The following CREB5 variants were observed in gnomAD, a reference collection of about 807,000 sequenced individuals.
CREB5 encodes the protein cAMP responsive element binding protein 5.
Under a neutral mutation model 57.1 loss-of-function variants are expected in CREB5, and 19 were observed. The observed-to-expected ratio is 0.33, with a 90% confidence interval of 0.23 to 0.49. CREB5 has a LOEUF of 0.49. Ranked by LOEUF, CREB5 falls within the 20% of genes least tolerant of loss-of-function variation. The pLI is 0.99. For missense variants in CREB5, 579 were observed against 671.6 expected, an observed-to-expected ratio of 0.86 and a Z score of 1.52; for synonymous variants, 238 against 238.3, an observed-to-expected ratio of 1.00 and a Z score of 0.01.
At chr7:28,576,276 A>T (rs183349192) in intron 5 of CREB5, among the ~76,000 whole-genome samples, 100 of 152,378 alleles carry the variant, frequency 6.6e-4, no homozygotes, top group Admixed American at 6.5e-3. Flanking sequence ...TTTATTCAGG[A>T]TCTACTACGT....
chr7:28,546,506 A>T (rs570713774), intron 4 of CREB5, among the ~76,000 whole-genome samples: 2 of 152,300 alleles, frequency 1.3e-5, no homozygotes, highest in East Asian at 3.9e-4. Flanking sequence ...CCATTTTACA[A>T]TCCCAACAAT....
intron 3 of CREB5, among the ~76,000 whole-genome samples, chr7:28,503,897 C>T (rs1218027975): frequency 6.6e-6 from 1 of 151,798 alleles, no homozygotes; most frequent in Non-Finnish European, 1.5e-5. Context: ...ACCCCCAGAG[C>T]AGAAGGACCA....
chr7:28,805,087 T>C (rs1808631584), intron 8 of CREB5, among the ~76,000 whole-genome samples: 1 of 152,016 alleles, frequency 6.6e-6, no homozygotes, highest in Admixed American at 6.6e-5. Context: ...GCTGTGTAAA[T>C]GGTGAAGAGA....
At chr7:28,407,985 G>C (rs904831926), upstream of CREB5, among the ~76,000 whole-genome samples, 1 of 152,236 alleles carries the variant, frequency 6.6e-6, no homozygotes, top group Admixed American at 6.5e-5. Context: ...GGGCTAAACT[G>C]TTTCTAAGCA....
chr7:28,446,716 C>T (rs146581188), intron 1 of CREB5, among the ~76,000 whole-genome samples: 5,394 of 152,130 alleles, frequency 0.035, 294 homozygotes, highest in African/African-American at 0.12. Context: ...GGCGTGAACC[C>T]GGGAGGTGGA....
intron 4 of CREB5, among the ~76,000 whole-genome samples, chr7:28,560,921 T>TGTGTGCGTGTGCGTGCGCGCGC (rs1795180804): frequency 2.5e-5 from 1 of 40,568 alleles, no homozygotes; most frequent in South Asian, 9.4e-4. Flanking sequence ...TGTGCGTGTG[T>TGTGTGCGTGTGCGTGCGCGCGC]GCGCGTGCGT....
At position 28,804,180 on chromosome 7, in the gene CREB5, C is replaced by G; in HGVS notation, c.703-19C>G. The G allele has an allele frequency of 6.2e-7, 1 of 1,603,662 alleles. No individual in the cohort carries two copies. Among genetic ancestry groups the G allele is most frequent in the Admixed American group, 1.7e-5 (1 of 59,826 alleles). On this transcript the variant is annotated intron_variant, in intron 7 of 10. Coordinates refer to ENST00000357727, the MANE Select transcript of CREB5 (RefSeq NM_182898.4). ...ACTGACTTCAGTTGTTCTCTCTCCT[C>G]CCTTTTGTTCTGTTTCAGAGGTTGA...
Position 28,660,366 on chromosome 7 carries a change from T to A in CREB5, c.465-58387T>A, listed in dbSNP as rs1219754260. 4.0e-5 allele frequency among the ~76,000 whole-genome samples: 6 copies of A among 149,234 alleles called. No individual in the cohort carries two copies. In the East Asian group the frequency reaches 1.2e-3, roughly 30 times the overall value. The stretch of plus-strand genomic sequence containing the variant: ...CTTTCTATACCCAGCCAAACTATCA[T>A]CTATGCATTCAACAGTTTTTTTTTT... On this transcript the variant is annotated intron_variant, in intron 5 of 10. Transcript: ENST00000357727.
At chr7:28,695,204 G>A (rs1449979238) in intron 5 of CREB5, among the ~76,000 whole-genome samples, 3 of 152,158 alleles carry the variant, frequency 2.0e-5, no homozygotes, top group Non-Finnish European at 4.4e-5. Flanking sequence ...TACAGCCTGG[G>A]CCACAGAGCT....
intron 7 of CREB5, among the ~76,000 whole-genome samples, chr7:28,784,341 CT>C (rs35272471): frequency 6.6e-5 from 9 of 136,138 alleles, no homozygotes; most frequent in African/African-American, 1.1e-4. Flanking sequence ...ATAAACAACT[CT>C]TTTTTTTTTA....
intron 6 of CREB5, among the ~76,000 whole-genome samples, chr7:28,719,632 G>T (rs374963513): frequency 1.3e-5 from 2 of 152,142 alleles, no homozygotes; most frequent in Non-Finnish European, 2.9e-5. Context: ...TTCCAGATGA[G>T]GAGACTGAGG....
chr7:28,366,677 T>C (rs989697349), intron 1 of CREB5, among the ~76,000 whole-genome samples: 2 of 152,236 alleles, frequency 1.3e-5, no homozygotes, highest in Non-Finnish European at 2.9e-5. Flanking sequence ...TCAACTCAGT[T>C]AAGTTCTCCT....
At position 28,821,448 on chromosome 7, in the gene CREB5, A is replaced by C. The variant is rs935862633; in HGVS notation, c.*2169A>C. On this transcript the variant is annotated 3_prime_UTR_variant, in exon 11 of 11. Transcript: ENST00000357727. ...TATGACTTGGATATATGGTTGAAGA[A>C]TCAAAACAAAAGCAAAAAAAAAAAG... The C allele has an allele frequency of 6.6e-6, 1 of 151,626 alleles. No individual in the cohort carries two copies. Among genetic ancestry groups the C allele is most frequent in the Non-Finnish European group, 1.5e-5 (1 of 67,902 alleles). 9.4% of individuals were successfully genotyped at this position (151,626 alleles called of 1,614,324 possible).
At chr7:28,384,939 G>A (rs1304278609) in intron 1 of CREB5, among the ~76,000 whole-genome samples, 1 of 152,064 alleles carries the variant, frequency 6.6e-6, no homozygotes, top group Middle Eastern at 3.2e-3. Flanking sequence ...GTCCAGAGAT[G>A]TTTAATATTC....
At chr7:28,754,085 C>A (rs951039724) in intron 7 of CREB5, among the ~76,000 whole-genome samples, 1 of 151,894 alleles carries the variant, frequency 6.6e-6, no homozygotes, top group Non-Finnish European at 1.5e-5. Context: ...TGTTTATGTG[C>A]CTAAATGAAA....
At chr7:28,560,889 T>TGTGCGCGCGTGCGTGCGTGC (rs1795147317) in intron 4 of CREB5, among the ~76,000 whole-genome samples, 2 of 18,210 alleles carry the variant, frequency 1.1e-4, no homozygotes, top group Non-Finnish European at 2.0e-4. Flanking sequence ...CGTGCGTGCG[T>TGTGCGCGCGTGCGTGCGTGC]GTGTGTGCGT....
intron 5 of CREB5, among the ~76,000 whole-genome samples, chr7:28,572,549 C>T (rs1583648751): frequency 1.3e-5 from 2 of 152,246 alleles, no homozygotes; most frequent in Admixed American, 1.3e-4. Flanking sequence ...ATAAAATGTG[C>T]TAGAGTTTAC....
intron 1 of CREB5, among the ~76,000 whole-genome samples, chr7:28,465,532 C>T (rs1201705158): frequency 1.3e-5 from 2 of 152,136 alleles, no homozygotes; most frequent in Non-Finnish European, 2.9e-5. Flanking sequence ...GTTGTTCCAC[C>T]CTGTTCTAAG....
chr7:28,415,454 C>T (rs1249966386), intron 1 of CREB5, among the ~76,000 whole-genome samples: 3 of 152,196 alleles, frequency 2.0e-5, no homozygotes, highest in South Asian at 2.1e-4. Context: ...CTTTTCAAGC[C>T]TTTTGATGAC....
Sources: allele counts gnomAD v4.1 joint callset (sites outside exome capture counted in the v4.1 genomes callset), GRCh38; gene constraint gnomAD v4.1.1; transcripts MANE v1.5; gene names NCBI Gene and HGNC (gene_info 2026-07-23, HGNC 2026-07-21).